PRKG2: variants seen among roughly 807,000 people sequenced by gnomAD.
PRKG2 encodes the protein cGMP-dependent protein kinase 2.
PRKG2 carries 33 observed loss-of-function variants against 97.2 expected under a neutral mutation model. That is an observed-to-expected ratio of 0.34 (90% CI 0.26 to 0.45). The LOEUF is 0.45. Ranked by LOEUF, PRKG2 falls within the 20% of genes least tolerant of loss-of-function variation. The pLI is 1.00. For synonymous variants in PRKG2, 330 were observed against 321.8 expected (o/e 1.03, Z -0.27); for missense variants, 638 against 900.0 (o/e 0.71, Z 3.73).
intron 14 of PRKG2, among the ~76,000 whole-genome samples, chr4:81,131,021 C>T (rs1000327818): frequency 6.6e-6 from 1 of 152,136 alleles, no homozygotes; most frequent in African/African-American, 2.4e-5. Flanking sequence ...TTCCAAGTGC[C>T]ACTGGGGTAT....
At chr4:81,131,688 G>C (rs1018164958) in intron 14 of PRKG2, among the ~76,000 whole-genome samples, 1 of 152,060 alleles carries the variant, frequency 6.6e-6, no homozygotes, top group African/African-American at 2.4e-5. Flanking sequence ...GTGGGATTTA[G>C]GTTAATTTTT....
intron 14 of PRKG2, among the ~76,000 whole-genome samples, chr4:81,115,574 C>T (rs17005062): frequency 0.24 from 35,983 of 152,020 alleles, 5,678 homozygotes; most frequent in East Asian, 0.46. Flanking sequence ...CAGGTTTCTT[C>T]CATCTTAGGG....
chr4:81,173,823 A>T (rs1448531250), intron 3 of PRKG2: 3 of 152,080 alleles, frequency 2.0e-5, no homozygotes, highest in Non-Finnish European at 4.4e-5. Flanking sequence ...TACTTAGATT[A>T]TCAGGAACTA....
intron 18 of PRKG2, among the ~76,000 whole-genome samples, chr4:81,091,681 A>G (rs1741549647): frequency 6.6e-6 from 1 of 152,192 alleles, no homozygotes; most frequent in African/African-American, 2.4e-5. Context: ...CAATCTACCA[A>G]TGTATAAGAG....
intron 2 of PRKG2, among the ~76,000 whole-genome samples, 163 bp downstream of exon 2, chr4:81,204,424 A>G (rs1753515890): frequency 6.6e-6 from 1 of 152,128 alleles, no homozygotes; most frequent in Non-Finnish European, 1.5e-5. Context: ...CTTCTGCCCA[A>G]TGGGAGATTT....
chr4:81,142,400 T>C (rs907714292), intron 11 of PRKG2, among the ~76,000 whole-genome samples: 29 of 152,368 alleles, frequency 1.9e-4, no homozygotes, highest in Admixed American at 5.9e-4. Context: ...TTCACCTCTA[T>C]GGCATTTTCA....
chr4:81,100,052 T>A (rs769602337), intron 17 of PRKG2, among the ~76,000 whole-genome samples: 1 of 151,656 alleles, frequency 6.6e-6, no homozygotes, highest in Non-Finnish European at 1.5e-5. Context: ...CACTGCTCGA[T>A]GAAATAAAAG....
At chr4:81,103,316 C>G (rs149521139) in intron 17 of PRKG2, among the ~76,000 whole-genome samples, 122 of 152,162 alleles carry the variant, frequency 8.0e-4, no homozygotes, top group Admixed American at 2.0e-3. Context: ...CCGCTCCCCC[C>G]ACCCCACAAC....
chr4:81,100,251 G>T (rs1305762030), intron 17 of PRKG2, among the ~76,000 whole-genome samples: 1 of 152,132 alleles, frequency 6.6e-6, no homozygotes, highest in South Asian at 2.1e-4. Context: ...AGCCCGGATT[G>T]CCAAGTCAAT....
chr4:81,206,118 C>T (rs930022716), intron 1 of PRKG2, among the ~76,000 whole-genome samples: 3 of 152,210 alleles, frequency 2.0e-5, no homozygotes, highest in East Asian at 1.9e-4. Flanking sequence ...AATAAGCACA[C>T]ACGAGCAGAC....
At chr4:81,145,071 T>C (rs1419247886) in intron 9 of PRKG2, among the ~76,000 whole-genome samples, 3 of 152,060 alleles carry the variant, frequency 2.0e-5, no homozygotes, top group Non-Finnish European at 2.9e-5. Flanking sequence ...TAAACATACA[T>C]GTGCATGAGT....
chr4:81,134,409 T>C (rs1274062157), intron 14 of PRKG2, among the ~76,000 whole-genome samples: 2 of 152,194 alleles, frequency 1.3e-5, no homozygotes, highest in South Asian at 4.1e-4. Flanking sequence ...AGTTCAGAAA[T>C]GGTTTAACGT....
chr4:81,120,029 A>C lies in PRKG2; in HGVS notation c.1777-9418T>G, dbSNP rs1744928820. ...CTAAATATGGCCTGAGAAGGACTCC[A>C]TATTTCTATATTTGAGTCCTTGTGG... On this transcript the variant is annotated intron_variant, in intron 14 of 18. Coordinates refer to ENST00000264399, the MANE Select transcript of PRKG2 (RefSeq NM_006259.3). Among the ~76,000 whole-genome samples the C allele has an allele frequency of 2.6e-5, 4 of 152,142 alleles. No individual in the cohort carries two copies. The South Asian group carries it at 8.3e-4, about 32-fold the overall frequency.
intron 7 of PRKG2, 51 bp downstream of exon 7, chr4:81,153,593 A>G: frequency 7.0e-7 from 1 of 1,433,380 alleles, no homozygotes; most frequent in Non-Finnish European, 9.7e-7. Flanking sequence ...GTTTATGGCA[A>G]ACTGATTTAA....
chr4:81,092,358 TAAA>T (rs764482715), intron 18 of PRKG2, 25 bp downstream of exon 18: 6 of 1,442,864 alleles, frequency 4.2e-6, no homozygotes, highest in African/African-American at 1.5e-5. Flanking sequence ...GGGAAAAAAA[TAAA>T]AAAGTAATAT....
chr4:81,204,487 G>A, intron 2 of PRKG2, 100 bp downstream of exon 2: 2 of 1,303,286 alleles, frequency 1.5e-6, no homozygotes, highest in South Asian at 1.4e-5. Flanking sequence ...ATCTGAAAGG[G>A]TCAATATGTT....
At chr4:81,183,431 G>C (rs2110099775) in intron 2 of PRKG2, among the ~76,000 whole-genome samples, 1 of 152,238 alleles carries the variant, frequency 6.6e-6, no homozygotes, top group African/African-American at 2.4e-5. Flanking sequence ...ATGAGGGACT[G>C]CACCATGAGG....
intron 2 of PRKG2, among the ~76,000 whole-genome samples, chr4:81,189,147 T>C (rs1326075740): frequency 8.3e-6 from 1 of 120,126 alleles, no homozygotes; most frequent in Non-Finnish European, 1.5e-5. Context: ...ATACAGGTTT[T>C]TACCTTAAAG....
At chr4:81,188,625 A>G (rs1319796616) in intron 2 of PRKG2, among the ~76,000 whole-genome samples, 6 of 130,308 alleles carry the variant, frequency 4.6e-5, no homozygotes, top group African/African-American at 2.5e-4. Context: ...AACCAACCCA[A>G]ATGTCCAACA....
Sources: allele counts gnomAD v4.1 joint callset (sites outside exome capture counted in the v4.1 genomes callset), GRCh38; gene constraint gnomAD v4.1.1; transcripts MANE v1.5; gene names NCBI Gene and HGNC (gene_info 2026-07-23, HGNC 2026-07-21).